ARHGAP15: variants seen among roughly 807,000 people sequenced by gnomAD.
The protein encoded by ARHGAP15 is rho GTPase-activating protein 15.
A neutral mutation model predicts 63.7 loss-of-function variants in ARHGAP15; 51 were observed. That is an observed-to-expected ratio of 0.80 (90% CI 0.64 to 1.01). ARHGAP15 has a LOEUF of 1.01. Ranked by LOEUF, ARHGAP15 falls within the 50% of genes least tolerant of loss-of-function variation. ARHGAP15 has a pLI of 0.00. For synonymous variants in ARHGAP15, 191 were observed against 193.8 expected, an observed-to-expected ratio of 0.99 and a Z score of 0.12; for missense variants, 560 against 564.6, an observed-to-expected ratio of 0.99 and a Z score of 0.08.
At chr2:143,588,092 T>C (rs1445543645) in intron 11 of ARHGAP15, among the ~76,000 whole-genome samples, 3 of 152,168 alleles carry the variant, frequency 2.0e-5, no homozygotes, top group Non-Finnish European at 2.9e-5. Flanking sequence ...GTTCTAATAA[T>C]ATAAATTCCT....
chr2:143,251,969 A>G (rs1029681723), intron 6 of ARHGAP15, among the ~76,000 whole-genome samples: 1 of 152,084 alleles, frequency 6.6e-6, no homozygotes, highest in Non-Finnish European at 1.5e-5. Flanking sequence ...CCTTATGACA[A>G]CTTAGATGAT....
At chr2:143,660,334 G>A (rs1411307322) in intron 12 of ARHGAP15, among the ~76,000 whole-genome samples, 1 of 152,058 alleles carries the variant, frequency 6.6e-6, no homozygotes, top group Non-Finnish European at 1.5e-5. Flanking sequence ...AATTCCAATT[G>A]CATTTGGGGA....
intron 8 of ARHGAP15, among the ~76,000 whole-genome samples, chr2:143,485,850 G>GAATTGTCT (rs1351344134): frequency 6.6e-6 from 1 of 152,166 alleles, no homozygotes; most frequent in Admixed American, 6.5e-5. Flanking sequence ...CAGGTAGCAA[G>GAATTGTCT]AATTGTCTCA....
intron 12 of ARHGAP15, among the ~76,000 whole-genome samples, chr2:143,644,151 CTG>C (rs1221009482): frequency 2.6e-5 from 4 of 152,026 alleles, no homozygotes; most frequent in Admixed American, 6.6e-5. Flanking sequence ...CTAGGGAAAA[CTG>C]TGCATTTTTA....
At chr2:143,439,767 A>C (rs567438692) in intron 8 of ARHGAP15, among the ~76,000 whole-genome samples, 2 of 152,262 alleles carry the variant, frequency 1.3e-5, no homozygotes, top group Non-Finnish European at 2.9e-5. Context: ...CTGTACTTTT[A>C]ATCATTACAT....
chr2:143,525,654 A>C (rs1334445630), intron 10 of ARHGAP15, among the ~76,000 whole-genome samples: 3 of 152,124 alleles, frequency 2.0e-5, no homozygotes, highest in Admixed American at 6.6e-5. Context: ...GCAGCCACAA[A>C]GACTGCCACC....
At chr2:143,183,968 A>C (rs907416891) in intron 2 of ARHGAP15, among the ~76,000 whole-genome samples, 1 of 152,070 alleles carries the variant, frequency 6.6e-6, no homozygotes, top group Non-Finnish European at 1.5e-5. Context: ...TTTCTCTTTG[A>C]CTATTAGCCC....
rs530973886 is a variant in ARHGAP15, at chr2:143,202,311, G to T, written c.234+109G>T. 3.7e-5 allele frequency: 32 copies of T among 875,886 alleles called. No homozygotes were observed. The East Asian group carries it at 7.8e-4, about 21-fold the overall frequency. The allele number at this position is 875,886 out of a possible 1,614,324, so 54.3% of individuals were successfully genotyped here. ...TATTATCTCATTTTTCTGTGGGTCA[G>T]GAATCAGGGCACCACTTAGTAGAGG... is the stretch of plus-strand genomic sequence containing the variant. On this transcript the variant is annotated intron_variant, in intron 3 of 13. Transcript: ENST00000295095.
At chr2:143,257,454 C>A (rs775879369) in intron 6 of ARHGAP15, among the ~76,000 whole-genome samples, 2 of 152,100 alleles carry the variant, frequency 1.3e-5, no homozygotes, top group Non-Finnish European at 2.9e-5. Context: ...ACTTAGACAA[C>A]TGGATAGCTC....
intron 11 of ARHGAP15, among the ~76,000 whole-genome samples, chr2:143,620,025 C>T (rs1698592964): frequency 6.6e-6 from 1 of 152,192 alleles, no homozygotes; most frequent in South Asian, 2.1e-4. Context: ...ACCAGGCTGG[C>T]TTACAATGTT....
At chr2:143,602,424 T>C (rs950376267) in intron 11 of ARHGAP15, among the ~76,000 whole-genome samples, 1 of 152,104 alleles carries the variant, frequency 6.6e-6, no homozygotes, top group African/African-American at 2.4e-5. Flanking sequence ...CCAAAAAGGA[T>C]GGCTCCCTGG....
intron 1 of ARHGAP15, among the ~76,000 whole-genome samples, chr2:143,133,980 C>T (rs1689013138): frequency 6.6e-6 from 1 of 152,122 alleles, no homozygotes; most frequent in African/African-American, 2.4e-5. Flanking sequence ...TTTTTTACAG[C>T]TGTATACTAT....
chr2:143,270,799 G>C (rs7606446), intron 6 of ARHGAP15, among the ~76,000 whole-genome samples: 2 of 151,942 alleles, frequency 1.3e-5, no homozygotes, highest in Non-Finnish European at 2.9e-5. Flanking sequence ...GTATGGTATG[G>C]AAACAACCTG....
chr2:143,179,983 T>G (rs193262099), intron 2 of ARHGAP15, among the ~76,000 whole-genome samples: 47 of 152,020 alleles, frequency 3.1e-4, no homozygotes, highest in South Asian at 8.3e-4. Flanking sequence ...ATATCCTTTT[T>G]GCTGGTGGAA....
chr2:143,409,639 T>C (rs1688361516), intron 6 of ARHGAP15, among the ~76,000 whole-genome samples: 1 of 152,108 alleles, frequency 6.6e-6, no homozygotes, highest in South Asian at 2.1e-4. Context: ...ATATATGTGG[T>C]GGCAGTTCCG....
chr2:143,611,133 T>C (rs936201242), intron 11 of ARHGAP15, among the ~76,000 whole-genome samples: 2 of 152,198 alleles, frequency 1.3e-5, no homozygotes, highest in African/African-American at 4.8e-5. Flanking sequence ...ATGCTGATCA[T>C]TGGAAATAAA....
At chr2:143,493,804 A>G (rs1208633325) in intron 9 of ARHGAP15, among the ~76,000 whole-genome samples, 1 of 152,116 alleles carries the variant, frequency 6.6e-6, no homozygotes, top group Non-Finnish European at 1.5e-5. Context: ...TTACTCTTTA[A>G]CAGTTTCCAT....
intron 9 of ARHGAP15, among the ~76,000 whole-genome samples, chr2:143,500,633 T>C (rs745689449): frequency 5.3e-5 from 8 of 152,180 alleles, no homozygotes; most frequent in Non-Finnish European, 8.8e-5. Flanking sequence ...TATATATTTA[T>C]TTACTGCTCA....
At chr2:143,145,615 A>G (rs529743632) in intron 1 of ARHGAP15, among the ~76,000 whole-genome samples, 3 of 152,160 alleles carry the variant, frequency 2.0e-5, no homozygotes, top group South Asian at 4.1e-4. Context: ...CACTTGTTGT[A>G]TAACTCTTCC....
Sources: gnomAD v4.1 joint callset for allele counts (sites outside exome capture counted in the v4.1 genomes callset) on GRCh38, gnomAD v4.1.1 for gene constraint, MANE v1.5 for transcripts, NCBI Gene and HGNC (gene_info 2026-07-23, HGNC 2026-07-21) for gene names.